The following CPLANE1 variants were observed in gnomAD, a reference collection of about 807,000 sequenced individuals.
The protein encoded by CPLANE1 is ciliogenesis and planar polarity effector complex subunit 1.
In CPLANE1, 263 loss-of-function variants were observed where a neutral mutation model predicts 362.5. That is an observed-to-expected ratio of 0.73 (90% CI 0.66 to 0.80). The LOEUF is 0.80. CPLANE1 is among the 30% of genes least tolerant of loss of function. The probability of loss-of-function intolerance (pLI) is 0.00; values close to 1 mark genes in which losing one functional copy is unlikely to be tolerated. For synonymous variants in CPLANE1, 1,212 were observed against 1,302.6 expected (o/e 0.93, Z 1.50); for missense variants, 3,461 against 3,793.4 (o/e 0.91, Z 2.30).
chr5:37,146,625 T>C (rs1771685259), intron 43 of CPLANE1, among the ~76,000 whole-genome samples: 2 of 152,188 alleles, frequency 1.3e-5, no homozygotes, highest in Non-Finnish European at 2.9e-5. Flanking sequence ...ACATACAAAA[T>C]ATTTATACAT....
chr5:37,193,232 T>C (rs562707762), intron 21 of CPLANE1, among the ~76,000 whole-genome samples: 2 of 152,308 alleles, frequency 1.3e-5, no homozygotes, highest in East Asian at 1.9e-4. Context: ...GAAGTACTTA[T>C]TGTACTTATG....
chr5:37,098,202 GC>G, the CPLANE1 span, among the ~76,000 whole-genome samples: 1 of 151,800 alleles, frequency 6.6e-6, no homozygotes, highest in Admixed American at 6.6e-5. Context: ...GACCAGCCTG[GC>G]CAAGATGGTG....
chr5:37,162,624 C>T, intron 37 of CPLANE1, 58 bp from the exon 38 acceptor site: 3 of 1,200,544 alleles, frequency 2.5e-6, no homozygotes, highest in Middle Eastern at 2.1e-4. Context: ...TTACCAGGAG[C>T]CCAGCAGCAC....
chr5:37,085,200 AG>A, the CPLANE1 span: 7 of 840,396 alleles, frequency 8.3e-6, no homozygotes, highest in Non-Finnish European at 1.5e-5. Context: ...CATTTTCCTA[AG>A]GAACAGACTT....
At chr5:37,211,233 G>T in intron 16 of CPLANE1, 2 of 1,485,926 alleles carry the variant, frequency 1.3e-6, no homozygotes, top group South Asian at 2.3e-5. Flanking sequence ...CCCTGATTCT[G>T]ACCTTGAGTT....
rs1265528395 is a variant in CPLANE1 at position 37,227,754 on chromosome 5, G to A, written c.1185C>T (p.Asp395=). ...NSVDSSASDS[D]PMRQRFSIKA... Reference sequence around the variant, plus strand: ...TTATAGAAAATCTCTGTCTCATAGGGTCACTATCAGAAGCTGATGAATCAA... The same window carrying A: ...TTATAGAAAATCTCTGTCTCATAGGATCACTATCAGAAGCTGATGAATCAA... Residue 395 remains aspartate (D), a synonymous_variant, in exon 10 of 53, where the codon GAC becomes GAT. Coordinates refer to ENST00000651892, the MANE Select transcript of CPLANE1 (RefSeq NM_001384732.1). 1 of 1,551,208 alleles carries A rather than the reference G, an allele frequency of 6.4e-7. No individual in the cohort carries two copies. Among genetic ancestry groups the A allele is most frequent in the South Asian group, 1.2e-5 (1 of 84,042 alleles).
chr5:37,127,644 G>A (rs1277347449), intron 46 of CPLANE1, among the ~76,000 whole-genome samples: 12 of 149,314 alleles, frequency 8.0e-5, no homozygotes, highest in African/African-American at 2.5e-4. Flanking sequence ...TCAGCCTCCC[G>A]AGTAGCTGAG....
Position 37,173,703 on chromosome 5 carries a change from C to G in CPLANE1, c.6171+52G>C. 2.9e-6 allele frequency: 4 copies of G among 1,392,938 alleles called. No homozygotes were observed. The South Asian group carries it at 5.1e-5, about 18-fold the overall frequency. 86.3% of individuals were successfully genotyped at this position (1,392,938 alleles called of 1,614,324 possible). ...TGGAAATCTATTAATATTTTAAAACCCTACATGTACACTATGTGTAGATTT... is the reference window on the plus strand; with the variant it reads ...TGGAAATCTATTAATATTTTAAAACGCTACATGTACACTATGTGTAGATTT... On this transcript the variant is annotated intron_variant, in intron 32 of 52. Coordinates refer to ENST00000651892, the MANE Select transcript of CPLANE1 (RefSeq NM_001384732.1).
chr5:37,099,600 C>A, the CPLANE1 span, among the ~76,000 whole-genome samples: 4 of 152,254 alleles, frequency 2.6e-5, no homozygotes, highest in Admixed American at 6.5e-5. Context: ...CTGCAATGAA[C>A]ATATGCATGC....
chr5:37,153,552 C>T (rs1265496068), intron 42 of CPLANE1, among the ~76,000 whole-genome samples, 188 bp downstream of exon 42: 5 of 152,108 alleles, frequency 3.3e-5, no homozygotes, highest in East Asian at 3.9e-4. Context: ...TATCCTACAA[C>T]GCATGGGACA....
At chr5:37,149,478 T>C (rs1425475288) in intron 42 of CPLANE1, among the ~76,000 whole-genome samples, 1 of 152,188 alleles carries the variant, frequency 6.6e-6, no homozygotes, top group Non-Finnish European at 1.5e-5. Flanking sequence ...ACCATCCTTT[T>C]TTGTTTTTAT....
chr5:37,164,170 C>G, intron 37 of CPLANE1, 103 bp downstream of exon 37: 1 of 866,134 alleles, frequency 1.2e-6, no homozygotes, highest in Non-Finnish European at 1.9e-6. Context: ...TTGTAGTCAG[C>G]TGGGCAGAAA....
intron 38 of CPLANE1, among the ~76,000 whole-genome samples, chr5:37,161,636 T>C (rs531010577): frequency 5.3e-5 from 8 of 152,084 alleles, no homozygotes; most frequent in Non-Finnish European, 7.4e-5. Context: ...TAAACTCTCA[T>C]GGAAAAGCTA....
intron 46 of CPLANE1, among the ~76,000 whole-genome samples, chr5:37,135,817 G>A (rs1008093534): frequency 2.0e-5 from 3 of 151,612 alleles, no homozygotes; most frequent in Admixed American, 6.6e-5. Flanking sequence ...GCAAAAGAGC[G>A]AGACTCTGTC....
intron 21 of CPLANE1, among the ~76,000 whole-genome samples, chr5:37,193,373 G>A (rs1250542540): frequency 6.6e-6 from 1 of 151,878 alleles, no homozygotes; most frequent in African/African-American, 2.4e-5. Context: ...TGAAATCCTG[G>A]GCCAGGCATG....
In CPLANE1 at chr5:37,167,177, TGAG is replaced by T. The variant is rs1778472881; in HGVS notation, c.7267_7269del (p.Leu2423del). ...TTCTGTTGGCTTTGTTTAAACGCAATGAGGTTTTCAAGTGGGATAAGTTGTGTT... is the reference window on the plus strand; with the variant it reads ...TTCTGTTGGCTTTGTTTAAACGCAATGTTTTCAAGTGGGATAAGTTGTGTT... On this transcript the variant is annotated inframe_deletion, in exon 35 of 53. Transcript: ENST00000651892. 1 of 1,613,114 alleles carries T rather than the reference TGAG, an allele frequency of 6.2e-7. No homozygotes were observed. The highest frequency in any genetic ancestry group is 8.5e-7 in the Non-Finnish European group (1 of 1,179,820).
At chr5:37,246,541 A>C (rs1739729412) in intron 2 of CPLANE1, 1 of 152,154 alleles carries the variant, frequency 6.6e-6, no homozygotes, top group Non-Finnish European at 1.5e-5. Flanking sequence ...ATTAAAATAG[A>C]TATAGCTTCT....
chr5:37,238,937 G>A lies in CPLANE1; in HGVS notation c.858C>T (p.Asn286=). 2.0e-6 allele frequency: 3 copies of A among 1,514,190 alleles called. No homozygotes were observed. The highest frequency in any genetic ancestry group is 2.7e-6 in the Non-Finnish European group (3 of 1,131,490). 93.8% of individuals were successfully genotyped at this position (1,514,190 alleles called of 1,614,324 possible). A position where few individuals can be genotyped will look rare whatever the true frequency, so the allele number is the denominator to read the frequency against. ...CACAGAGAGTAACAAAATTCAGTGT[G>A]TTTATAAATAATACCTGAGTTGCCT... ...DPKATQVLFI[N]TLNFVTLCGS... Residue 286 remains asparagine, a synonymous_variant, in exon 8 of 53, where the codon AAC becomes AAT. Transcript: ENST00000651892.
At chr5:37,131,615 C>T (rs2150237959) in intron 46 of CPLANE1, among the ~76,000 whole-genome samples, 1 of 152,060 alleles carries the variant, frequency 6.6e-6, no homozygotes, top group East Asian at 1.9e-4. Context: ...ACTGCAACCT[C>T]CACCTCCCAG....
Sources: allele counts gnomAD v4.1 joint callset (sites outside exome capture counted in the v4.1 genomes callset), GRCh38; gene constraint gnomAD v4.1.1; transcripts MANE v1.5; gene names NCBI Gene and HGNC (gene_info 2026-07-23, HGNC 2026-07-21).